Variants in UNC80 observed in about 807,000 individuals in gnomAD.
UNC80 encodes the protein protein unc-80 homolog.
UNC80 carries 164 observed loss-of-function variants against 384.6 expected under a neutral mutation model. The observed-to-expected ratio is 0.43, with a 90% CI of 0.38 to 0.49. The LOEUF (loss-of-function observed/expected upper bound fraction) is 0.49. Ranked by LOEUF, UNC80 falls within the 20% of genes least tolerant of loss-of-function variation. The pLI, the probability that UNC80 is intolerant of heterozygous loss-of-function variation, is 0.00. For synonymous variants in UNC80, 1,486 were observed against 1,527.8 expected (o/e 0.97, Z 0.64); for missense variants, 3,330 against 4,143.0 (o/e 0.80, Z 5.39).
Position 209,997,946 on chromosome 2 carries a change from T to G in UNC80, c.*2351T>G, listed in dbSNP as rs1031657620. The G allele has an allele frequency of 2.0e-5, 3 of 151,878 alleles. No individual in the cohort carries two copies. Among genetic ancestry groups the G allele is most frequent in the Admixed American group, 2.0e-4 (3 of 15,252 alleles). 9.4% of individuals were successfully genotyped at this position (151,878 alleles called of 1,614,324 possible). A position where few individuals can be genotyped will look rare whatever the true frequency, so the allele number is the denominator to read the frequency against. ...TTACCTGGAGTTTGAAAGGAATAACTATTAAAAAAAAAAGTTGGGGAAGAT... is the reference window on the plus strand; with the variant it reads ...TTACCTGGAGTTTGAAAGGAATAACGATTAAAAAAAAAAGTTGGGGAAGAT... On this transcript the variant is annotated 3_prime_UTR_variant, in exon 65 of 65. Coordinates refer to ENST00000673920, the MANE Select transcript of UNC80 (RefSeq NM_001371986.1).
intron 28 of UNC80, among the ~76,000 whole-genome samples, chr2:209,899,356 T>C (rs914156201): frequency 6.6e-6 from 1 of 152,210 alleles, no homozygotes; most frequent in Non-Finnish European, 1.5e-5. Context: ...TTGTAATAAG[T>C]GTACCACTCT....
chr2:209,838,719 T>A (rs2081522237), intron 18 of UNC80, among the ~76,000 whole-genome samples: 1 of 152,162 alleles, frequency 6.6e-6, no homozygotes, highest in African/African-American at 2.4e-5. Flanking sequence ...CCCAGCACTT[T>A]GGCAGGCTGA....
intron 47 of UNC80, among the ~76,000 whole-genome samples, chr2:209,951,283 C>T (rs536870959): frequency 2.8e-5 from 4 of 142,658 alleles, no homozygotes; most frequent in Non-Finnish European, 4.6e-5. Flanking sequence ...TTGAATTTAA[C>T]GTGTCCTTTT....
chr2:209,913,555 G>C (rs915473689), intron 30 of UNC80, among the ~76,000 whole-genome samples: 2 of 152,124 alleles, frequency 1.3e-5, no homozygotes, highest in African/African-American at 4.8e-5. Flanking sequence ...TTTACTCCTT[G>C]GTCGCAAAGC....
intron 62 of UNC80, 118 bp from the exon 63 acceptor site, chr2:209,993,197 A>C (rs2093423007): frequency 2.8e-6 from 2 of 711,984 alleles, no homozygotes; most frequent in East Asian, 5.8e-5. Context: ...AAATAAATTT[A>C]TCAGCTATAA....
chr2:209,786,158 A>C lies in UNC80; in HGVS notation c.693A>C (p.Ala231=), dbSNP rs764440362. The C allele has an allele frequency of 1.2e-6, 2 of 1,613,996 alleles. No homozygotes were observed. The highest frequency in any genetic ancestry group is 8.5e-7 in the Non-Finnish European group (1 of 1,179,928). ...HRQPGVSGFT[A]LVKPIRNIIT... Reference sequence around the variant, plus strand: ...AGCCCGGAGTCTCTGGCTTTACCGCACTGGTGAAGCCCATCAGGAACATCA... The same window carrying C: ...AGCCCGGAGTCTCTGGCTTTACCGCCCTGGTGAAGCCCATCAGGAACATCA... The change falls in exon 5 of 65, where the codon GCA becomes GCC. Residue 231 remains alanine (A), a synonymous_variant. Coordinates refer to ENST00000673920, the MANE Select transcript of UNC80 (RefSeq NM_001371986.1).
intron 58 of UNC80, among the ~76,000 whole-genome samples, chr2:209,977,452 T>G (rs977953949): frequency 6.6e-6 from 1 of 152,250 alleles, no homozygotes; most frequent in African/African-American, 2.4e-5. Flanking sequence ...TTATTGAGCT[T>G]CTATTTTATG....
intron 48 of UNC80, among the ~76,000 whole-genome samples, chr2:209,956,761 T>A (rs1357022505): frequency 1.3e-5 from 2 of 152,124 alleles, no homozygotes. Context: ...AGATTAGGCC[T>A]ATGCAGATAC....
intron 18 of UNC80, among the ~76,000 whole-genome samples, chr2:209,836,571 A>G (rs1260906750): frequency 2.0e-5 from 3 of 152,234 alleles, no homozygotes; most frequent in Admixed American, 6.5e-5. Flanking sequence ...GTGAAGATAC[A>G]TGTTTCAATA....
intron 48 of UNC80, among the ~76,000 whole-genome samples, chr2:209,954,890 T>G (rs2092340614): frequency 6.6e-6 from 1 of 152,096 alleles, no homozygotes; most frequent in Non-Finnish European, 1.5e-5. Flanking sequence ...TAAACAAAGT[T>G]CAAGCAGTTA....
chr2:209,781,195 T>G (rs1358793990), intron 4 of UNC80, among the ~76,000 whole-genome samples: 2 of 152,188 alleles, frequency 1.3e-5, no homozygotes, highest in African/African-American at 4.8e-5. Flanking sequence ...TCTCTTATTC[T>G]TGCTTCTATT....
chr2:209,881,716 A>G (rs1201229603), intron 25 of UNC80, among the ~76,000 whole-genome samples: 1 of 152,116 alleles, frequency 6.6e-6, no homozygotes, highest in Admixed American at 6.5e-5. Flanking sequence ...AACCAATGAT[A>G]TAAATATAAA....
chr2:209,791,030 C>A (rs1019311474), intron 6 of UNC80, among the ~76,000 whole-genome samples: 1 of 152,098 alleles, frequency 6.6e-6, no homozygotes, highest in Non-Finnish European at 1.5e-5. Flanking sequence ...ACTTAATCCT[C>A]TCGATTTGAT....
intron 20 of UNC80, 138 bp downstream of exon 20, chr2:209,840,786 C>A: frequency 4.5e-6 from 3 of 663,912 alleles, no homozygotes; most frequent in South Asian, 2.4e-5. Context: ...ACTTTGGAAA[C>A]TTAGATAAGC....
intron 61 of UNC80, among the ~76,000 whole-genome samples, chr2:209,990,523 C>A (rs2093372471): frequency 6.6e-6 from 1 of 152,140 alleles, no homozygotes; most frequent in African/African-American, 2.4e-5. Flanking sequence ...AATGAAAAAT[C>A]CATTCCAATG....
At chr2:209,826,180 T>C in intron 14 of UNC80, 127 bp downstream of exon 14, 1 of 1,131,868 alleles carries the variant, frequency 8.8e-7, no homozygotes, top group Non-Finnish European at 1.2e-6. Context: ...TAATTAATGC[T>C]GTTTTGGTGT....
intron 4 of UNC80, among the ~76,000 whole-genome samples, chr2:209,781,956 T>A (rs1433857111): frequency 6.6e-6 from 1 of 152,202 alleles, no homozygotes; most frequent in Admixed American, 6.5e-5. Context: ...TCATCCTTAC[T>A]TGCACATTCC....
intron 48 of UNC80, 57 bp from the exon 49 acceptor site, chr2:209,957,587 G>A: frequency 6.4e-6 from 9 of 1,409,058 alleles, no homozygotes; most frequent in Non-Finnish European, 8.8e-6. Context: ...TTTAATAAAT[G>A]TTTCCATTTC....
chr2:209,952,615 A>G (rs976803313), intron 47 of UNC80, among the ~76,000 whole-genome samples: 6 of 152,150 alleles, frequency 3.9e-5, no homozygotes, highest in East Asian at 1.9e-4. Context: ...GATGCCTGGA[A>G]AAAAAAGAGT....
Sources: gnomAD v4.1 joint callset for allele counts (sites outside exome capture counted in the v4.1 genomes callset) on GRCh38, gnomAD v4.1.1 for gene constraint, MANE v1.5 for transcripts, NCBI Gene and HGNC (gene_info 2026-07-23, HGNC 2026-07-21) for gene names.